Variants in ATG16L2 observed in about 807,000 individuals in gnomAD.
ATG16L2 encodes autophagy related 16 like 2.
A neutral mutation model predicts 84.7 loss-of-function variants in ATG16L2; 77 were observed. That is an observed-to-expected ratio of 0.91 (90% CI 0.76 to 1.10). The LOEUF is 1.10. ATG16L2 is among the 50% of genes least tolerant of loss of function. The probability of loss-of-function intolerance (pLI) is 0.00; values close to 1 mark genes in which losing one functional copy is unlikely to be tolerated. For synonymous variants in ATG16L2, 361 were observed against 342.8 expected (o/e 1.05, Z -0.59); for missense variants, 782 against 817.6 (o/e 0.96, Z 0.53).
At chr11:72,825,169 C>A (rs1013503098) in intron 9 of ATG16L2, 133 bp from the exon 10 acceptor site, 47 of 702,518 alleles carry the variant, frequency 6.7e-5, no homozygotes, top group Non-Finnish European at 1.0e-4. Flanking sequence ...AGAGTGTGGA[C>A]AGAGAAACTG....
chr11:72,824,218 T>G lies in ATG16L2; in HGVS notation c.887+96T>G, dbSNP rs182686987. On this transcript the variant is annotated intron_variant, in intron 8 of 17. Transcript: ENST00000321297. ...CTGTGCCTCGACCTGTCCATCCCTG[T>G]GATGTGCAGCTGTCTGCCTGTGAGT... is the stretch of plus-strand genomic sequence containing the variant. 2,472 of 1,450,834 alleles carry G rather than the reference T, an allele frequency of 1.7e-3. 3 individuals are homozygous for G. The highest frequency in any genetic ancestry group is 2.2e-3 in the Non-Finnish European group (2,312 of 1,038,696). 89.9% of individuals were successfully genotyped at this position (1,450,834 alleles called of 1,614,324 possible).
At chr11:72,832,165 C>T (rs1455041536), downstream of ATG16L2, among the ~76,000 whole-genome samples, 1 of 152,214 alleles carries the variant, frequency 6.6e-6, no homozygotes, top group Non-Finnish European at 1.5e-5. Flanking sequence ...CCTCATTTCA[C>T]AGGGTTGTAG....
rs369352973 is a variant in ATG16L2, at chr11:72,825,438, G to T, written c.1102+31G>T. On this transcript the variant is annotated intron_variant, in intron 10 of 17. Coordinates refer to ENST00000321297, the MANE Select transcript of ATG16L2 (RefSeq NM_033388.2). ...GAGCCCTCCCCTGCCGGCCAACTTG[G>T]TGCTTCTCTCCAGACCCTCTCCTCA... The T allele has an allele frequency of 2.1e-5, 33 of 1,569,114 alleles. No homozygotes were observed. In the African/African-American group the frequency reaches 2.7e-4, roughly 13 times the overall value.
At chr11:72,823,433 G>A in intron 7 of ATG16L2, 4 of 355,174 alleles carry the variant, frequency 1.1e-5, no homozygotes, top group South Asian at 8.5e-5. Flanking sequence ...CCTGATTGGG[G>A]CTTCAGACCT....
chr11:72,842,318 G>C (rs1479751806), intron 5 of ATG16L2, among the ~76,000 whole-genome samples: 1 of 152,192 alleles, frequency 6.6e-6, no homozygotes, highest in African/African-American at 2.4e-5. Flanking sequence ...TCCCTCTTCG[G>C]TTTGTTTCTT....
intron 5 of ATG16L2, among the ~76,000 whole-genome samples, chr11:72,840,463 C>T (rs1446532847): frequency 6.6e-6 from 1 of 152,190 alleles, no homozygotes; most frequent in Non-Finnish European, 1.5e-5. Context: ...ATAATATATT[C>T]ACCCGGAGAA....
chr11:72,830,845 G>GTCTC (rs1350555936), downstream of ATG16L2, among the ~76,000 whole-genome samples: 2 of 152,146 alleles, frequency 1.3e-5, no homozygotes, highest in African/African-American at 4.8e-5. Context: ...GCCCAGGCTG[G>GTCTC]TCTCAAACTC....
chr11:72,816,960 T>A (rs1290791146), intron 2 of ATG16L2, 133 bp downstream of exon 2: 1 of 268,568 alleles, frequency 3.7e-6, no homozygotes, highest in Non-Finnish European at 7.6e-6. Context: ...GTGGGGGTGG[T>A]GGAGGTGGTG....
At chr11:72,829,701 G>A, downstream of ATG16L2, 1 of 1,036,662 alleles carries the variant, frequency 9.6e-7, no homozygotes. Context: ...GGCTCTGGAA[G>A]ATCCAGGCTT....
chr11:72,822,413 G>A lies in ATG16L2; in HGVS notation c.645-65G>A. On this transcript the variant is annotated intron_variant, in intron 5 of 17. Coordinates refer to ENST00000321297, the MANE Select transcript of ATG16L2 (RefSeq NM_033388.2). The surrounding 1 kb of genome is among the most constrained non-coding windows in gnomAD (Gnocchi z 4.2). ...CAGCCGCCCCCTGGAGGAAGGGACC[G>A]GGTCTAGCCCCGCCTGCGTGCGAGG... 1 of 1,605,944 alleles carries A rather than the reference G, an allele frequency of 6.2e-7. No individual in the cohort carries two copies. The highest frequency in any genetic ancestry group is 8.5e-7 in the Non-Finnish European group (1 of 1,176,040).
intron 8 of ATG16L2, 91 bp downstream of exon 8, chr11:72,824,213 C>A: frequency 6.8e-7 from 1 of 1,479,350 alleles, no homozygotes; most frequent in Non-Finnish European, 9.4e-7. Flanking sequence ...ACCTGTCCAT[C>A]CCTGTGATGT....
chr11:72,817,834 G>C lies in ATG16L2; in HGVS notation c.297G>C (p.Gly99=). 1 of 1,611,656 alleles carries C rather than the reference G, an allele frequency of 6.2e-7. No homozygotes were observed. The highest frequency in any genetic ancestry group is 1.1e-5 in the South Asian group (1 of 91,062). The part of the protein sequence containing the change: ...LRVKWQEEEE[G]LRLVCGEMAY... ...TGAAGTGGCAGGAGGAGGAGGAGGG[G>C]CTCCGGCTGGTCTGTGGTGAGGTAA... The change falls in exon 3 of 18, where the codon GGG becomes GGC. Residue 99 remains glycine, a synonymous_variant. Coordinates refer to ENST00000321297, the MANE Select transcript of ATG16L2 (RefSeq NM_033388.2).
chr11:72,822,005 G>A lies in ATG16L2; in HGVS notation c.393-39G>A, dbSNP rs1256771015. 6 of 1,470,744 alleles carry A rather than the reference G, an allele frequency of 4.1e-6. No homozygotes were observed. The highest frequency in any genetic ancestry group is 2.5e-5 in the East Asian group (1 of 40,102). The allele number at this position is 1,470,744 out of a possible 1,614,324, so 91.1% of individuals were successfully genotyped here. The stretch of plus-strand genomic sequence containing the variant: ...ATATTCCCACTGGGCAGTGACGGGG[G>A]AAGCTTGGGACCCGCTATCCGCTCT... On this transcript the variant is annotated intron_variant, in intron 4 of 17. Transcript: ENST00000321297. The surrounding 1 kb of genome is among the most constrained non-coding windows in gnomAD (Gnocchi z 4.2).
At chr11:72,842,344 G>A (rs1860985320) in intron 5 of ATG16L2, among the ~76,000 whole-genome samples, 1 of 152,162 alleles carries the variant, frequency 6.6e-6, no homozygotes, top group Non-Finnish European at 1.5e-5. Context: ...CCACCAAAAC[G>A]ATCTTTGGTA....
chr11:72,824,993 T>G (rs1591308404), intron 9 of ATG16L2, 151 bp downstream of exon 9: 1 of 657,276 alleles, frequency 1.5e-6, no homozygotes, highest in Non-Finnish European at 2.6e-6. Context: ...CAGCCTGTGG[T>G]GGGAGCCACT....
chr11:72,816,972 G>C (rs1323884947), intron 2 of ATG16L2, 145 bp downstream of exon 2: 2 of 589,878 alleles, frequency 3.4e-6, no homozygotes, highest in Admixed American at 5.9e-5. Flanking sequence ...GAGGTGGTGG[G>C]GGTGGTGGGG....
intron 12 of ATG16L2, 32 bp from the exon 13 acceptor site, chr11:72,826,671 A>C (rs1372253689): frequency 1.2e-6 from 2 of 1,613,730 alleles, no homozygotes; most frequent in Non-Finnish European, 1.7e-6. Context: ...TCTTGGCCAA[A>C]CTCTTGATCC....
At chr11:72,842,242 G>A (rs925261956) in intron 5 of ATG16L2, among the ~76,000 whole-genome samples, 1 of 152,218 alleles carries the variant, frequency 6.6e-6, no homozygotes, top group Non-Finnish European at 1.5e-5. Flanking sequence ...AGGAGGCTCT[G>A]ACAGTGAGGG....
intron 5 of ATG16L2, among the ~76,000 whole-genome samples, chr11:72,835,697 A>G (rs895679228): frequency 2.0e-5 from 3 of 151,784 alleles, no homozygotes; most frequent in Non-Finnish European, 4.4e-5. Flanking sequence ...TACCTTTTTG[A>G]CCCTCAAATT....
Sources: gnomAD v4.1 joint callset for allele counts (sites outside exome capture counted in the v4.1 genomes callset) on GRCh38, gnomAD v4.1.1 for gene constraint, Gnocchi (gnomAD v3.1) non-coding constraint, MANE v1.5 for transcripts, NCBI Gene and HGNC (gene_info 2026-07-23, HGNC 2026-07-21) for gene names.